Variants in LRP3 observed in about 807,000 individuals in gnomAD.
LRP3 encodes the protein low-density lipoprotein receptor-related protein 3.
LRP3 carries 49 observed loss-of-function variants against 58.5 expected under a neutral mutation model. The ratio of observed to expected loss-of-function variants is 0.84; its 90% confidence interval spans 0.67 to 1.06. The LOEUF (loss-of-function observed/expected upper bound fraction) is 1.06. Among genes scored for constraint, LRP3 ranks in the 50% least tolerant of loss-of-function variants. The probability of loss-of-function intolerance (pLI) is 0.00; values close to 1 mark genes in which losing one functional copy is unlikely to be tolerated. For synonymous variants in LRP3, 485 were observed against 492.2 expected (o/e 0.99, Z 0.20); for missense variants, 1,019 against 1,134.2 (o/e 0.90, Z 1.46).
At chr19:33,196,959 C>T (rs1195286486) in intron 2 of LRP3, among the ~76,000 whole-genome samples, 182 bp downstream of exon 2, 13 of 152,154 alleles carry the variant, frequency 8.5e-5, no homozygotes. Context: ...GTTTCCTCAT[C>T]TGTAAAGTGG....
chr19:33,207,655 C>G lies in LRP3; in HGVS notation c.*80C>G. ...AGTCATTTCTACCCTGCCTCTGCGT[C>G]CTTTCTTATGGAGAGGCCCTCCGGG... On this transcript the variant is annotated 3_prime_UTR_variant, in exon 7 of 7. Coordinates refer to ENST00000253193, the MANE Select transcript of LRP3 (RefSeq NM_002333.4). The G allele has an allele frequency of 1.7e-6, 2 of 1,174,812 alleles. No homozygotes were observed. The highest frequency in any genetic ancestry group is 2.5e-6 in the Non-Finnish European group (2 of 814,788). The allele number at this position is 1,174,812 out of a possible 1,614,324, so 72.8% of individuals were successfully genotyped here. A position where few individuals can be genotyped will look rare whatever the true frequency, so the allele number is the denominator to read the frequency against.
chr19:33,206,059 G>T lies in LRP3; in HGVS notation c.1289G>T (p.Cys430Phe). ...CCCTGCGAGGGTGGCAGTGGTCTGT[G>T]CTACACGCCTGCCGACCGCTGCAAC... is the stretch of plus-strand genomic sequence containing the variant. The part of the protein sequence containing the change: ...QYPCEGGSGL[C>F]YTPADRCNNQ... The change falls in exon 5 of 7, where the codon TGC (cysteine) becomes TTC (phenylalanine). Residue 430 changes from cysteine to phenylalanine, a missense_variant. Coordinates refer to ENST00000253193, the MANE Select transcript of LRP3 (RefSeq NM_002333.4). 1 of 1,604,102 alleles carries T rather than the reference G, an allele frequency of 6.2e-7. No homozygotes were observed.
chr19:33,204,076 A>G (rs866495802), intron 3 of LRP3: 8 of 158,082 alleles, frequency 5.1e-5, no homozygotes, highest in Middle Eastern at 3.4e-3. Context: ...GGCAGGGTCT[A>G]TCCTAGTCTC....
chr19:33,205,224 C>G (rs961799061), intron 4 of LRP3, 22 bp from the exon 5 acceptor site: 8 of 1,598,450 alleles, frequency 5.0e-6, no homozygotes, highest in Non-Finnish European at 6.8e-6. Context: ...TGACTGTCCC[C>G]TGCTACGTCT....
At position 33,208,789 on chromosome 19, in the gene LRP3, C is replaced by A; in HGVS notation, c.*1214C>A. Reference sequence around the variant, plus strand: ...GGCTTCTGAGAGTCGTATCTTTTTTCTTTTTTTTCCAGAAAAAAACAAAAC... The same window carrying A: ...GGCTTCTGAGAGTCGTATCTTTTTTATTTTTTTTCCAGAAAAAAACAAAAC... On this transcript the variant is annotated 3_prime_UTR_variant, in exon 7 of 7. Transcript: ENST00000253193. The surrounding 1 kb of genome is among the most constrained non-coding windows in gnomAD (Gnocchi z 4.7). The A allele has an allele frequency of 8.3e-5, 123 of 1,487,300 alleles. No homozygotes were observed. Among genetic ancestry groups the A allele is most frequent in the East Asian group, 2.1e-4 (9 of 42,830 alleles). 92.1% of individuals were successfully genotyped at this position (1,487,300 alleles called of 1,614,324 possible).
intron 2 of LRP3, among the ~76,000 whole-genome samples, chr19:33,200,799 T>G (rs1015422933): frequency 2.0e-5 from 3 of 152,150 alleles, no homozygotes; most frequent in Non-Finnish European, 4.4e-5. Context: ...GGGCCATGCA[T>G]GAGTTCCAGG....
intron 3 of LRP3, 27 bp downstream of exon 3, chr19:33,203,013 G>T: frequency 1.9e-6 from 3 of 1,609,058 alleles, no homozygotes; most frequent in Non-Finnish European, 2.5e-6. Context: ...GTGTCGGAAG[G>T]AATCAATGTG....
At chr19:33,204,973 C>A in intron 4 of LRP3, 121 bp downstream of exon 4, 2 of 936,468 alleles carry the variant, frequency 2.1e-6, no homozygotes, top group Non-Finnish European at 1.6e-6. Flanking sequence ...TGTCCCCTGA[C>A]CGCCCTGTCA....
At position 33,206,238 on chromosome 19, in the gene LRP3, C is replaced by T. The variant is rs2065326230; in HGVS notation, c.1468C>T (p.Leu490=). The stretch of plus-strand genomic sequence containing the variant: ...GGACGGCAGCGATGAGCATGGGTGC[C>T]TGGCCGCCGTGCCCCGCAAGGTCAT... The part of the protein sequence containing the change: ...CQDGSDEHGC[L]AAVPRKVITA... Residue 490 remains leucine, a synonymous_variant, in exon 5 of 7, where the codon CTG becomes TTG. Coordinates refer to ENST00000253193, the MANE Select transcript of LRP3 (RefSeq NM_002333.4). 6.3e-7 allele frequency: 1 copy of T among 1,597,298 alleles called. No individual in the cohort carries two copies. Among genetic ancestry groups the T allele is most frequent in the Non-Finnish European group, 8.5e-7 (1 of 1,172,632 alleles).
intron 1 of LRP3, among the ~76,000 whole-genome samples, chr19:33,196,223 G>A (rs8103768): frequency 1.5e-4 from 23 of 152,086 alleles, no homozygotes; most frequent in African/African-American, 5.3e-4. Context: ...GCTGCTGGGC[G>A]AGCAAAGCCC....
At chr19:33,204,423 GAGCC>G in intron 3 of LRP3, 3 of 583,924 alleles carry the variant, frequency 5.1e-6, no homozygotes, top group Non-Finnish European at 9.2e-6. Flanking sequence ...ATTCTTCATG[GAGCC>G]TCCCGTGCAC....
chr19:33,203,336 G>A (rs1205058718), intron 3 of LRP3, among the ~76,000 whole-genome samples: 1 of 152,078 alleles, frequency 6.6e-6, no homozygotes, highest in Admixed American at 6.5e-5. Context: ...GTGTGTGTGT[G>A]CATGTATGTG....
Position 33,206,617 on chromosome 19 carries a change from A to T in LRP3, c.1609A>T (p.Met537Leu). ...TGCTTCTAGGGCCTTCGAGACCCAGATGACGCGCCTGGAGGCTGAGTTCGT... is the reference window on the plus strand; with the variant it reads ...TGCTTCTAGGGCCTTCGAGACCCAGTTGACGCGCCTGGAGGCTGAGTTCGT... The part of the protein sequence containing the change: ...TQEYRAFETQ[M>L]TRLEAEFVRR... Residue 537 changes from methionine to leucine, a missense_variant, in exon 6 of 7, where the codon ATG becomes TTG. Coordinates refer to ENST00000253193, the MANE Select transcript of LRP3 (RefSeq NM_002333.4). The T allele has an allele frequency of 6.2e-7, 1 of 1,608,186 alleles. No individual in the cohort carries two copies. Among genetic ancestry groups the T allele is most frequent in the East Asian group, 2.2e-5 (1 of 44,766 alleles).
At chr19:33,203,432 T>G (rs1047534242) in intron 3 of LRP3, among the ~76,000 whole-genome samples, 3 of 152,286 alleles carry the variant, frequency 2.0e-5, no homozygotes, top group Admixed American at 2.0e-4. Flanking sequence ...TGTGAGCACA[T>G]GTATGTGCAC....
intron 4 of LRP3, 115 bp from the exon 5 acceptor site, chr19:33,205,131 G>T (rs775414211): frequency 8.6e-4 from 1,006 of 1,173,482 alleles, no homozygotes; most frequent in Non-Finnish European, 1.1e-3. Context: ...TGTTGGAGGG[G>T]TCTCTGCTGC....
Position 33,194,842 on chromosome 19 carries a change from G to T in LRP3, c.57G>T (p.Leu19=). The change falls in exon 1 of 7, where the codon CTG becomes CTT. Residue 19 remains leucine (L), a synonymous_variant. Coordinates refer to ENST00000253193, the MANE Select transcript of LRP3 (RefSeq NM_002333.4). The stretch of plus-strand genomic sequence containing the variant: ...GCGCGCCGGGCGCCCGGGCGCAGCT[G>T]GCCGTCGTCTGTCTGGGTGAGTGGG... ...LEGAPGARAQ[L]AVVCLVNIFL... is the part of the protein sequence containing the mutation. The T allele has an allele frequency of 9.0e-7, 1 of 1,114,534 alleles. No homozygotes were observed. 69.0% of individuals were successfully genotyped at this position (1,114,534 alleles called of 1,614,324 possible).
chr19:33,198,400 G>C (rs1005989943), intron 2 of LRP3, among the ~76,000 whole-genome samples: 1 of 152,144 alleles, frequency 6.6e-6, no homozygotes, highest in Non-Finnish European at 1.5e-5. Flanking sequence ...GGCCATGGGT[G>C]GTGATCTGGG....
intron 6 of LRP3, 44 bp downstream of exon 6, chr19:33,206,777 A>G (rs569489550): frequency 1.3e-6 from 2 of 1,497,416 alleles, no homozygotes; most frequent in Admixed American, 2.3e-5. Context: ...GCCACTTGGG[A>G]CAGTGTGCGG....
At chr19:33,203,082 C>T (rs1167233699) in intron 3 of LRP3, 96 bp downstream of exon 3, 20 of 1,413,630 alleles carry the variant, frequency 1.4e-5, no homozygotes, top group Admixed American at 8.0e-5. Flanking sequence ...GGAGGGCACA[C>T]GCCTGAGGGT....
Sources: gnomAD v4.1 joint callset for allele counts (sites outside exome capture counted in the v4.1 genomes callset) on GRCh38, gnomAD v4.1.1 for gene constraint, Gnocchi (gnomAD v3.1) non-coding constraint, MANE v1.5 for transcripts, NCBI Gene and HGNC (gene_info 2026-07-23, HGNC 2026-07-21) for gene names.